The following MIDEAS variants were observed in gnomAD, a reference collection of about 807,000 sequenced individuals.
MIDEAS encodes mitotic deacetylase associated SANT domain protein.
A neutral mutation model predicts 102.7 loss-of-function variants in MIDEAS; 26 were observed. The observed-to-expected ratio is 0.25, with a 90% confidence interval of 0.19 to 0.35. The LOEUF (loss-of-function observed/expected upper bound fraction) is 0.35. Among genes scored for constraint, MIDEAS ranks in the 10% least tolerant of loss-of-function variants. The pLI, the probability that MIDEAS is intolerant of heterozygous loss-of-function variation, is 1.00. For synonymous variants in MIDEAS, 585 were observed against 591.0 expected (o/e 0.99, Z 0.15); for missense variants, 1,231 against 1,435.6 (o/e 0.86, Z 2.30).
upstream of MIDEAS, among the ~76,000 whole-genome samples, chr14:73,762,355 G>A (rs2140159425): frequency 6.6e-6 from 1 of 152,354 alleles, no homozygotes; most frequent in Non-Finnish European, 1.5e-5. Context: ...ACATAGTGGA[G>A]GCAGGTGGCA....
At chr14:73,743,165 C>T (rs2053304513) in intron 1 of MIDEAS, among the ~76,000 whole-genome samples, 2 of 152,104 alleles carry the variant, frequency 1.3e-5, no homozygotes, top group African/African-American at 2.4e-5. Context: ...CCTCTTCATA[C>T]ACCTCCCTTC....
In MIDEAS at chr14:73,725,076, A is replaced by G. The variant is rs1426698682; in HGVS notation, c.2574+196T>C. The G allele has an allele frequency of 3.1e-5, 16 of 519,882 alleles. No individual in the cohort carries two copies. The highest frequency in any genetic ancestry group is 4.9e-5 in the Non-Finnish European group (14 of 284,536). 32.2% of individuals were successfully genotyped at this position (519,882 alleles called of 1,614,324 possible). A position where few individuals can be genotyped will look rare whatever the true frequency, so the allele number is the denominator to read the frequency against. ...TTGGCCACCCTACCCTGAAGTGAGG[A>G]AAGGATGCTTAGAACCAAAAGGGAA... On this transcript the variant is annotated intron_variant, in intron 9 of 12. Coordinates refer to ENST00000423556, the MANE Select transcript of MIDEAS (RefSeq NM_001367710.1). This position sits in a 1 kb window ranked among gnomAD's most constrained non-coding sequence, Gnocchi z 4.1.
At position 73,727,536 on chromosome 14, in the gene MIDEAS, A is replaced by C. The variant is rs1409993064; in HGVS notation, c.2096-12T>G. The C allele has an allele frequency of 6.3e-7, 1 of 1,597,816 alleles. No homozygotes were observed. The highest frequency in any genetic ancestry group is 8.5e-7 in the Non-Finnish European group (1 of 1,171,430). ...TACTTCAGCACTGTCTATGGGACAAAGAGCAGGTTGATAAATAGCACCCCC... is the reference window on the plus strand; with the variant it reads ...TACTTCAGCACTGTCTATGGGACAACGAGCAGGTTGATAAATAGCACCCCC... On this transcript the variant is annotated splice_polypyrimidine_tract_variant and intron_variant, in intron 4 of 12. Coordinates refer to ENST00000423556, the MANE Select transcript of MIDEAS (RefSeq NM_001367710.1).
intron 4 of MIDEAS, chr14:73,729,154 G>C (rs1395664133): frequency 1.3e-5 from 2 of 154,402 alleles, no homozygotes; most frequent in Non-Finnish European, 2.9e-5. Context: ...GACTGTTCGA[G>C]AGCCCCAGAG....
chr14:73,749,259 C>T (rs998749759), intron 1 of MIDEAS, among the ~76,000 whole-genome samples: 1 of 147,514 alleles, frequency 6.8e-6, no homozygotes, highest in South Asian at 2.2e-4. Flanking sequence ...AGAGCAGGCC[C>T]GGCACAGTGG....
chr14:73,762,664 G>A (rs948374901), upstream of MIDEAS, among the ~76,000 whole-genome samples: 2 of 152,154 alleles, frequency 1.3e-5, no homozygotes, highest in African/African-American at 4.8e-5. Context: ...TCACTGACGT[G>A]TGAAGTGAAA....
At chr14:73,767,879 C>T (rs1236428483) in intron 1 of MIDEAS, among the ~76,000 whole-genome samples, 1 of 152,176 alleles carries the variant, frequency 6.6e-6, no homozygotes, top group African/African-American at 2.4e-5. Context: ...CTGACATTGG[C>T]CTGGCACAGT....
chr14:73,765,071 C>G (rs528785867), upstream of MIDEAS, among the ~76,000 whole-genome samples: 1 of 152,390 alleles, frequency 6.6e-6, no homozygotes, highest in African/African-American at 2.4e-5. Flanking sequence ...TTCTCAAAGG[C>G]CTCCCTTCAG....
intron 1 of MIDEAS, among the ~76,000 whole-genome samples, chr14:73,749,995 G>A (rs1335663670): frequency 6.6e-6 from 1 of 152,186 alleles, no homozygotes; most frequent in Non-Finnish European, 1.5e-5. Context: ...GATTGCAACA[G>A]CTTGTCAGGC....
At chr14:73,783,650 C>T (rs2053776794) in intron 1 of MIDEAS, among the ~76,000 whole-genome samples, 1 of 152,228 alleles carries the variant, frequency 6.6e-6, no homozygotes, top group Non-Finnish European at 1.5e-5. Context: ...GTGTGTATTT[C>T]AAGTGGCACT....
chr14:73,771,316 C>T (rs77592637), intron 1 of MIDEAS, among the ~76,000 whole-genome samples: 8 of 152,164 alleles, frequency 5.3e-5, no homozygotes, highest in East Asian at 1.9e-4. Context: ...TCCCTCCACA[C>T]GCATTCTGTC....
At chr14:73,722,092 C>T (rs2053003304) in intron 10 of MIDEAS, among the ~76,000 whole-genome samples, 1 of 152,188 alleles carries the variant, frequency 6.6e-6, no homozygotes, top group African/African-American at 2.4e-5. Flanking sequence ...CTTCTCTAGA[C>T]TTGATAATCT....
chr14:73,768,351 T>C (rs958812133), intron 1 of MIDEAS, among the ~76,000 whole-genome samples: 6 of 152,054 alleles, frequency 3.9e-5, no homozygotes, highest in African/African-American at 1.4e-4. Flanking sequence ...TGAAGCTTTC[T>C]CTCTGCTACA....
chr14:73,756,045 A>G (rs1011067139), intron 1 of MIDEAS, among the ~76,000 whole-genome samples: 1 of 152,174 alleles, frequency 6.6e-6, no homozygotes. Flanking sequence ...GCAAGAGGAG[A>G]TGCTGGGGTA....
chr14:73,719,436 G>T lies in MIDEAS; in HGVS notation c.3003C>A (p.Ala1001=). The T allele has an allele frequency of 3.1e-6, 5 of 1,614,088 alleles. No homozygotes were observed. Among genetic ancestry groups the T allele is most frequent in the Non-Finnish European group, 4.2e-6 (5 of 1,180,004 alleles). Residue 1001 remains alanine (A), a synonymous_variant, in exon 12 of 13, where the codon GCC becomes GCA. Coordinates refer to ENST00000423556, the MANE Select transcript of MIDEAS (RefSeq NM_001367710.1). The part of the protein sequence containing the change: ...SNAPGSAGGQ[A]SEKPREGTGK... ...CTGTCCCTTCCCTTGGCTTCTCCGA[G>T]GCCTGGCCACCGGCAGACCCAGGGG...
chr14:73,721,520 C>CAAG lies in MIDEAS; in HGVS notation c.2725-14_2725-12dup, dbSNP rs1370010321. ...GAACTTTTGGGAAGTCTATGGGGAA[C>CAAG]AAGAACAAGGGCAGTGAGCCTAGAG... is the stretch of plus-strand genomic sequence containing the variant. On this transcript the variant is annotated splice_polypyrimidine_tract_variant and intron_variant, in intron 10 of 12. Coordinates refer to ENST00000423556, the MANE Select transcript of MIDEAS (RefSeq NM_001367710.1). 6.2e-7 allele frequency: 1 copy of CAAG among 1,612,526 alleles called. No individual in the cohort carries two copies. Among genetic ancestry groups the CAAG allele is most frequent in the South Asian group, 1.1e-5 (1 of 91,040 alleles).
intron 1 of MIDEAS, among the ~76,000 whole-genome samples, chr14:73,777,343 C>A (rs963507234): frequency 1.3e-5 from 2 of 151,966 alleles, no homozygotes; most frequent in African/African-American, 4.8e-5. Context: ...ATTCTCCAAC[C>A]TTCTCGGACA....
chr14:73,757,282 A>AAAAAAAAC lies in MIDEAS; in HGVS notation c.-248+2480_-248+2481insGTTTTTTT, dbSNP rs2053495951. ...GAAAGACCCTATCTCTAACAACCAA[A>AAAAAAAAC]AAAAAAAAAAAACACTAAACACTTA... is the stretch of plus-strand genomic sequence containing the variant. On this transcript the variant is annotated intron_variant, in intron 1 of 12. Coordinates refer to ENST00000423556, the MANE Select transcript of MIDEAS (RefSeq NM_001367710.1). Among the ~76,000 whole-genome samples the AAAAAAAAC allele has an allele frequency of 2.0e-5, 3 of 148,964 alleles. 1 individual carries two copies. Among genetic ancestry groups the AAAAAAAAC allele is most frequent in the Non-Finnish European group, 4.5e-5 (3 of 67,406 alleles).
At chr14:73,736,958 C>T (rs1409874790) in intron 3 of MIDEAS, 40 bp downstream of exon 3, 2 of 1,587,030 alleles carry the variant, frequency 1.3e-6, no homozygotes, top group Non-Finnish European at 8.6e-7. Context: ...CCCCTGAGCA[C>T]TCACGCGCTG....
Sources: gnomAD v4.1 joint callset for allele counts (sites outside exome capture counted in the v4.1 genomes callset) on GRCh38, gnomAD v4.1.1 for gene constraint, Gnocchi (gnomAD v3.1) non-coding constraint, MANE v1.5 for transcripts, NCBI Gene and HGNC (gene_info 2026-07-23, HGNC 2026-07-21) for gene names.